The following SDHAF3 variants were observed in gnomAD, a reference collection of about 807,000 sequenced individuals.
The protein encoded by SDHAF3 is succinate dehydrogenase assembly factor 3, mitochondrial.
In SDHAF3, 18 loss-of-function variants were observed where a neutral mutation model predicts 11.5. That is an observed-to-expected ratio of 1.56 (90% confidence interval 1.08 to 2.32). The LOEUF (loss-of-function observed/expected upper bound fraction) is 2.32, where lower values mean the gene tolerates loss of function less well. Ranked by LOEUF, SDHAF3 falls within the 30% of genes most tolerant of loss-of-function variation. The pLI, the probability that SDHAF3 is intolerant of heterozygous loss-of-function variation, is 0.00. For synonymous variants in SDHAF3, 72 were observed against 59.3 expected (o/e 1.21, Z -0.99); for missense variants, 200 against 154.4 (o/e 1.30, Z -1.57).
At chr7:97,132,079 T>TA (rs1185892362) in intron 1 of SDHAF3, among the ~76,000 whole-genome samples, 1 of 152,202 alleles carries the variant, frequency 6.6e-6, no homozygotes, top group African/African-American at 2.4e-5. Context: ...AATCAGGTGT[T>TA]ACTTTAGTAA....
At chr7:97,137,728 G>A (rs1392466394) in intron 1 of SDHAF3, among the ~76,000 whole-genome samples, 3 of 152,178 alleles carry the variant, frequency 2.0e-5, no homozygotes, top group Non-Finnish European at 4.4e-5. Context: ...TCTTTTGGCA[G>A]CGTGACAGTG....
At chr7:97,125,847 C>T (rs1020522656) in intron 1 of SDHAF3, among the ~76,000 whole-genome samples, 2 of 152,240 alleles carry the variant, frequency 1.3e-5, no homozygotes, top group African/African-American at 4.8e-5. Context: ...ATTCATCAAA[C>T]TCATTCTCCA....
chr7:97,146,116 C>T (rs1000346474), intron 1 of SDHAF3, among the ~76,000 whole-genome samples: 1 of 151,698 alleles, frequency 6.6e-6, no homozygotes, highest in African/African-American at 2.4e-5. Context: ...TAGGCTTTCC[C>T]CCCCCCACTT....
intron 1 of SDHAF3, among the ~76,000 whole-genome samples, chr7:97,148,345 G>A (rs1337961251): frequency 6.6e-6 from 1 of 152,146 alleles, no homozygotes; most frequent in Non-Finnish European, 1.5e-5. Context: ...GACCAGTCTG[G>A]GCAACAAAGT....
chr7:97,158,639 A>G (rs1789346618), intron 1 of SDHAF3, among the ~76,000 whole-genome samples: 1 of 152,162 alleles, frequency 6.6e-6, no homozygotes, highest in African/African-American at 2.4e-5. Context: ...CCCCATGTTT[A>G]TGAGTAATTC....
intron 1 of SDHAF3, among the ~76,000 whole-genome samples, chr7:97,143,130 A>G (rs958144331): frequency 3.3e-5 from 5 of 151,802 alleles, no homozygotes; most frequent in Non-Finnish European, 5.9e-5. Flanking sequence ...TCCTGGCCTC[A>G]AGTGATCCAC....
intron 1 of SDHAF3, among the ~76,000 whole-genome samples, chr7:97,127,061 G>A (rs555446827): frequency 1.3e-5 from 2 of 152,228 alleles, no homozygotes; most frequent in East Asian, 1.9e-4. Flanking sequence ...TCACCTCCCC[G>A]CAACTCCTTG....
chr7:97,120,920 G>A (rs1053039977), intron 1 of SDHAF3, among the ~76,000 whole-genome samples: 1 of 152,164 alleles, frequency 6.6e-6, no homozygotes, highest in African/African-American at 2.4e-5. Context: ...ATTCAGCTGG[G>A]GGAAGTTTTT....
intron 1 of SDHAF3, among the ~76,000 whole-genome samples, chr7:97,173,584 T>C (rs1011237027): frequency 1.3e-5 from 2 of 149,194 alleles, no homozygotes; most frequent in African/African-American, 5.0e-5. Flanking sequence ...TCTCACTCTC[T>C]CTCTCTCACC....
At chr7:97,159,972 G>A (rs1252126188) in intron 1 of SDHAF3, among the ~76,000 whole-genome samples, 1 of 152,204 alleles carries the variant, frequency 6.6e-6, no homozygotes, top group Non-Finnish European at 1.5e-5. Context: ...GTGCTATCCT[G>A]ATGACATTAG....
At chr7:97,151,080 T>C (rs1052784623) in intron 1 of SDHAF3, among the ~76,000 whole-genome samples, 5 of 152,152 alleles carry the variant, frequency 3.3e-5, no homozygotes, top group African/African-American at 1.2e-4. Flanking sequence ...ACCTCTCCCA[T>C]TATCAGCATC....
At chr7:97,154,473 A>G (rs1272477323) in intron 1 of SDHAF3, among the ~76,000 whole-genome samples, 1 of 151,994 alleles carries the variant, frequency 6.6e-6, no homozygotes, top group African/African-American at 2.4e-5. Context: ...CCATTTTCCA[A>G]TTGGATTTTT....
intron 1 of SDHAF3, among the ~76,000 whole-genome samples, chr7:97,152,059 C>T (rs114715343): frequency 0.025 from 3,826 of 152,192 alleles, 149 homozygotes; most frequent in African/African-American, 0.087. Flanking sequence ...AAATGTATAA[C>T]GACATGTATC....
chr7:97,170,173 C>T (rs762658087), intron 1 of SDHAF3, among the ~76,000 whole-genome samples: 13 of 151,658 alleles, frequency 8.6e-5, no homozygotes, highest in Non-Finnish European at 1.6e-4. Flanking sequence ...AATGTGTATA[C>T]TTGGGTGAGT....
chr7:97,177,307 C>T lies in SDHAF3; in HGVS notation c.175-3705C>T, dbSNP rs567533030. ...CATGAGGTCAGGAGATTGAGACCATCCTAGCTAACGCAGTGAAACCCATCT... is the reference window on the plus strand; with the variant it reads ...CATGAGGTCAGGAGATTGAGACCATTCTAGCTAACGCAGTGAAACCCATCT... On this transcript the variant is annotated intron_variant, in intron 1 of 1. Transcript: ENST00000432641. Among the ~76,000 whole-genome samples the T allele has an allele frequency of 2.6e-4, 39 of 151,958 alleles. 1 individual carries two copies. Among genetic ancestry groups the T allele is most frequent in the African/African-American group, 8.4e-4 (35 of 41,466 alleles).
chr7:97,117,915 C>T lies in SDHAF3; in HGVS notation c.174+18C>T, dbSNP rs777093485. 5 of 1,612,470 alleles carry T rather than the reference C, an allele frequency of 3.1e-6. No individual in the cohort carries two copies. Among genetic ancestry groups the T allele is most frequent in the East Asian group, 4.5e-5 (2 of 44,870 alleles). On this transcript the variant is annotated intron_variant, in intron 1 of 1. Coordinates refer to ENST00000432641, the MANE Select transcript of SDHAF3 (RefSeq NM_020186.3). ...AATGGGAGGCAAGTGACGCTCCCTTCTCTTTGCCCAAGACCTTTGGGGTTC... is the reference window on the plus strand; with the variant it reads ...AATGGGAGGCAAGTGACGCTCCCTTTTCTTTGCCCAAGACCTTTGGGGTTC...
rs551031686 is a variant in SDHAF3, at chr7:97,143,103, C to T, written c.174+25206C>T. On this transcript the variant is annotated intron_variant, in intron 1 of 1. Coordinates refer to ENST00000432641, the MANE Select transcript of SDHAF3 (RefSeq NM_020186.3). Reference sequence around the variant, plus strand: ...TTAGTAGGAAGTTTCACCATGTTGGCCAGGCTGGTCTCGAACTCCTGGCCT... The same window carrying T: ...TTAGTAGGAAGTTTCACCATGTTGGTCAGGCTGGTCTCGAACTCCTGGCCT... 2.0e-5 allele frequency among the ~76,000 whole-genome samples: 3 copies of T among 151,748 alleles called. No homozygotes were observed. The South Asian group carries it at 6.3e-4, about 32-fold the overall frequency.
At chr7:97,156,160 A>C (rs1333753477) in intron 1 of SDHAF3, among the ~76,000 whole-genome samples, 1 of 152,162 alleles carries the variant, frequency 6.6e-6, no homozygotes, top group Non-Finnish European at 1.5e-5. Flanking sequence ...TTTAGTTGTC[A>C]TGTCACCTTA....
In SDHAF3 at chr7:97,176,680, G is replaced by T. The variant is rs1034851026; in HGVS notation, c.175-4332G>T. ...TTGGGTTTTTTTGTTTCCTTTTCGT[G>T]AGTCTTTCTACCCAAGATGTTCATT... On this transcript the variant is annotated intron_variant, in intron 1 of 1. Transcript: ENST00000432641. Among the ~76,000 whole-genome samples the T allele has an allele frequency of 4.6e-5, 7 of 152,064 alleles. No homozygotes were observed. The East Asian group carries it at 1.4e-3, about 29-fold the overall frequency.
Sources: allele counts gnomAD v4.1 joint callset (sites outside exome capture counted in the v4.1 genomes callset), GRCh38; gene constraint gnomAD v4.1.1; transcripts MANE v1.5; gene names NCBI Gene and HGNC (gene_info 2026-07-23, HGNC 2026-07-21).